Variants in TRIM10 observed in about 807,000 individuals in gnomAD.
The protein encoded by TRIM10 is tripartite motif-containing protein 10.
TRIM10 carries 42 observed loss-of-function variants against 40.0 expected under a neutral mutation model. That is an observed-to-expected ratio of 1.05 (90% CI 0.82 to 1.36). TRIM10 has a LOEUF of 1.36. Among genes scored for constraint, TRIM10 ranks in the 40% most tolerant of loss-of-function variants. The pLI, the probability that TRIM10 is intolerant of heterozygous loss-of-function variation, is 0.00. For missense variants in TRIM10, 601 were observed against 608.3 expected (o/e 0.99, Z 0.13); for synonymous variants, 260 against 239.5 (o/e 1.09, Z -0.79).
upstream of TRIM10, chr6:30,163,977 C>T: frequency 1.2e-6 from 2 of 1,613,148 alleles, no homozygotes; most frequent in Non-Finnish European, 1.7e-6. Context: ...GAGAACGATG[C>T]CGAGTTCCTC....
intron 5 of TRIM10, 94 bp downstream of exon 5, chr6:30,156,834 TAAGGCTTGCCA>T (rs1772572848): frequency 7.2e-6 from 7 of 977,514 alleles, no homozygotes; most frequent in Non-Finnish European, 9.8e-6. Flanking sequence ...CAGGAAGGAA[TAAGGCTTGCCA>T]AAGTCACACC....
intron 6 of TRIM10, 105 bp from the exon 7 acceptor site, chr6:30,154,591 A>G (rs1382933324): frequency 2.1e-6 from 3 of 1,426,792 alleles, no homozygotes; most frequent in Non-Finnish European, 2.9e-6. Flanking sequence ...TATTATTACC[A>G]AAAACATGTA....
chr6:30,160,143 A>G (rs1373598682), intron 1 of TRIM10, among the ~76,000 whole-genome samples: 1 of 152,192 alleles, frequency 6.6e-6, no homozygotes, highest in Non-Finnish European at 1.5e-5. Flanking sequence ...CAAACTTCAG[A>G]CACACCTGAT....
Position 30,154,145 on chromosome 6 carries a change from G to C in TRIM10, c.1270C>G (p.Leu424Val). ...ALGSFPTRLTLKEQPRQVRVS... is the reference protein window; with the variant it reads ...ALGSFPTRLTVKEQPRQVRVS... Reference sequence around the variant, plus strand: ...CTCACCTGCCGGGGCTGCTCCTTCAGGGTCAGCCGTGTGGGGAAGGAGCCC... The same window carrying C: ...CTCACCTGCCGGGGCTGCTCCTTCACGGTCAGCCGTGTGGGGAAGGAGCCC... The change falls in exon 7 of 7, where the codon CTG (leucine) becomes GTG (valine). Residue 424 changes from leucine to valine, a missense_variant. Coordinates refer to ENST00000449742, the MANE Select transcript of TRIM10 (RefSeq NM_006778.4). 6.2e-7 allele frequency: 1 copy of C among 1,612,854 alleles called. No homozygotes were observed. Among genetic ancestry groups the C allele is most frequent in the Non-Finnish European group, 8.5e-7 (1 of 1,179,828 alleles).
upstream of TRIM10, chr6:30,163,836 CG>C (rs1475835385): frequency 1.2e-6 from 2 of 1,613,048 alleles, no homozygotes; most frequent in East Asian, 2.2e-5. Flanking sequence ...GCCCAATCCT[CG>C]GGCAAGATCC....
rs769419657 is a variant in TRIM10, at chr6:30,160,609, G to A, written c.250C>T (p.Arg84Cys). The A allele has an allele frequency of 3.9e-5, 63 of 1,614,080 alleles. No individual in the cohort carries two copies. Among genetic ancestry groups the A allele is most frequent in the Non-Finnish European group, 5.0e-5 (59 of 1,180,044 alleles). Residue 84 changes from arginine (R) to cysteine (C), a missense_variant, in exon 1 of 7, where the codon CGC becomes TGC. By Grantham distance (180) the Arg-to-Cys change is radical. Transcript: ENST00000449742. ...QLANVVENIE[R>C]LQLVSTLGLG... ...CCCAGTGTGGACACCAGCTGGAGGCGCTCAATGTTCTCCACCACGTTAGCC... is the reference window on the plus strand; with the variant it reads ...CCCAGTGTGGACACCAGCTGGAGGCACTCAATGTTCTCCACCACGTTAGCC...
Position 30,153,951 on chromosome 6 carries a change from G to A in TRIM10, c.*18C>T. On this transcript the variant is annotated 3_prime_UTR_variant, in exon 7 of 7. Coordinates refer to ENST00000449742, the MANE Select transcript of TRIM10 (RefSeq NM_006778.4). ...ATATGAGTCCTGTACTTAGAGGAGAGTAGGTAACTGCTCCTTCTCAGGAGC... is the reference window on the plus strand; with the variant it reads ...ATATGAGTCCTGTACTTAGAGGAGAATAGGTAACTGCTCCTTCTCAGGAGC... 1 of 1,585,178 alleles carries A rather than the reference G, an allele frequency of 6.3e-7. No individual in the cohort carries two copies. Among genetic ancestry groups the A allele is most frequent in the Non-Finnish European group, 8.6e-7 (1 of 1,162,474 alleles).
chr6:30,158,485 G>C lies in TRIM10; in HGVS notation c.670C>G (p.Leu224Val). The change falls in exon 3 of 7, where the codon CTG becomes GTG. Residue 224 changes from leucine (L) to valine (V), a missense_variant. By Grantham distance (32) the Leu-to-Val change is conservative. Coordinates refer to ENST00000449742, the MANE Select transcript of TRIM10 (RefSeq NM_006778.4). ...AACCGGCAGATCTCCCCAGCAACCA[G>C]CAAATCAAATTCATCCCGTTGCCTC... The part of the protein sequence containing the change: ...ILRQRDEFDL[L>V]VAGEICRFSA... The C allele has an allele frequency of 6.2e-7, 1 of 1,613,070 alleles. No homozygotes were observed. The highest frequency in any genetic ancestry group is 8.5e-7 in the Non-Finnish European group (1 of 1,180,014).
chr6:30,154,230 C>G lies in TRIM10; in HGVS notation c.1185G>C (p.Arg395=). The G allele has an allele frequency of 6.2e-7, 1 of 1,612,910 alleles. No individual in the cohort carries two copies. ...SEDVQRKGEL[R]LRPEEGVWAV... is the part of the protein sequence containing the mutation. ...CCCACACCCCCTCCTCTGGCCGCAG[C>G]CGAAGCTCCCCCTTCCGCTGCACAT... Residue 395 remains arginine, a synonymous_variant, in exon 7 of 7, where the codon CGG becomes CGC. Coordinates refer to ENST00000449742, the MANE Select transcript of TRIM10 (RefSeq NM_006778.4).
At chr6:30,155,422 G>A (rs990309290) in intron 6 of TRIM10, among the ~76,000 whole-genome samples, 2 of 152,078 alleles carry the variant, frequency 1.3e-5, no homozygotes, top group Non-Finnish European at 2.9e-5. Flanking sequence ...CTCGACATGC[G>A]CAGATCAGGA....
At chr6:30,154,568 C>T (rs1772350485) in intron 6 of TRIM10, 82 bp from the exon 7 acceptor site, 1 of 1,551,776 alleles carries the variant, frequency 6.4e-7, no homozygotes, top group Non-Finnish European at 8.8e-7. Flanking sequence ...CCCTGGGCCC[C>T]TCCTGTTAGT....
At chr6:30,162,650 C>T (rs1250083079), upstream of TRIM10, among the ~76,000 whole-genome samples, 1 of 152,122 alleles carries the variant, frequency 6.6e-6, no homozygotes, top group Non-Finnish European at 1.5e-5. Context: ...GAGCGTAGGG[C>T]TTTAAGCCAG....
rs1354912457 is a variant in TRIM10, at chr6:30,152,026, A to G, written c.*1943T>C. ...GACATATAACTATTAAAAGAAAAAT[A>G]AAATAAAACAATTTAAAAAGAAGAA... On this transcript the variant is annotated 3_prime_UTR_variant, in exon 7 of 7. Coordinates refer to ENST00000449742, the MANE Select transcript of TRIM10 (RefSeq NM_006778.4). 1 of 152,270 alleles carries G rather than the reference A, an allele frequency of 6.6e-6. No individual in the cohort carries two copies. Among genetic ancestry groups the G allele is most frequent in the Non-Finnish European group, 1.5e-5 (1 of 68,054 alleles). The allele number at this position is 152,270 out of a possible 1,614,324, so 9.4% of individuals were successfully genotyped here.
At chr6:30,154,797 G>A in intron 6 of TRIM10, 1 of 658,058 alleles carries the variant, frequency 1.5e-6, no homozygotes, top group East Asian at 3.0e-5. Context: ...CCGCAAGTTG[G>A]CTGGTTTCCA....
chr6:30,154,503 A>G lies in TRIM10; in HGVS notation c.929-17T>C. On this transcript the variant is annotated splice_polypyrimidine_tract_variant and intron_variant, in intron 6 of 6. Transcript: ENST00000449742. The stretch of plus-strand genomic sequence containing the variant: ...AAATGTGAGCTGTGGGGATAACCAA[A>G]AGGGACAGATGTCAGCAGACATGCT... The G allele has an allele frequency of 1.2e-6, 2 of 1,606,038 alleles. No individual in the cohort carries two copies. Among genetic ancestry groups the G allele is most frequent in the Non-Finnish European group, 1.7e-6 (2 of 1,179,284 alleles).
At chr6:30,157,254 G>A in intron 4 of TRIM10, 115 bp downstream of exon 4, 2 of 1,213,524 alleles carry the variant, frequency 1.6e-6, no homozygotes, top group Non-Finnish European at 2.3e-6. Flanking sequence ...AGGTTTATAT[G>A]TAAATTTGTA....
chr6:30,158,291 A>G, intron 3 of TRIM10, 108 bp downstream of exon 3: 3 of 944,762 alleles, frequency 3.2e-6, no homozygotes, highest in Non-Finnish European at 5.0e-6. Flanking sequence ...CCCACCTCCC[A>G]TCTGGGATAC....
In TRIM10 at chr6:30,154,423, C is replaced by T. The variant is rs534260019; in HGVS notation, c.992G>A (p.Arg331Gln). 8 of 1,612,912 alleles carry T rather than the reference C, an allele frequency of 5.0e-6. No individual in the cohort carries two copies. The highest frequency in any genetic ancestry group is 1.7e-4 in the Middle Eastern group (1 of 6,060). ...PKLLLSEDHQRAQFSYKWQNS... is the reference protein window; with the variant it reads ...PKLLLSEDHQQAQFSYKWQNS... ...CTGCCATTTGTAGGAGAACTGAGCT[C>T]GCTGGTGGTCCTCGGACAAGAGGAG... The change falls in exon 7 of 7, where the codon CGA becomes CAA. Residue 331 changes from arginine (R) to glutamine (Q), a missense_variant. Physicochemically the swap from Arg to Gln is conservative, Grantham distance 43. Transcript: ENST00000449742.
rs1324551253 is a variant in TRIM10 at position 30,154,470 on chromosome 6, G to T, written c.945C>A (p.Asp315Glu). ...LDYEPAHISL[D>E]PQTSHPKLLL... is the part of the protein sequence containing the mutation. ...GGAGCTTGGGGTGGGAAGTCTGAGG[G>T]TCTAGAGAAATGTGAGCTGTGGGGA... Residue 315 changes from aspartate (D) to glutamate (E), a missense_variant, in exon 7 of 7, where the codon GAC (aspartate) becomes GAA (glutamate). Coordinates refer to ENST00000449742, the MANE Select transcript of TRIM10 (RefSeq NM_006778.4). 5.0e-6 allele frequency: 8 copies of T among 1,611,544 alleles called. No homozygotes were observed. Among genetic ancestry groups the T allele is most frequent in the Non-Finnish European group, 6.8e-6 (8 of 1,180,004 alleles).
Sources: allele counts gnomAD v4.1 joint callset (sites outside exome capture counted in the v4.1 genomes callset), GRCh38; gene constraint gnomAD v4.1.1; transcripts MANE v1.5; gene names NCBI Gene and HGNC (gene_info 2026-07-23, HGNC 2026-07-21).